Variants in TTLL6 observed in about 807,000 individuals in gnomAD.
TTLL6 encodes the protein tubulin polyglutamylase TTLL6.
A neutral mutation model predicts 96.4 loss-of-function variants in TTLL6; 75 were observed. The ratio of observed to expected loss-of-function variants is 0.78; its 90% CI spans 0.65 to 0.94. The LOEUF is 0.94. Among genes scored for constraint, TTLL6 ranks in the 40% least tolerant of loss-of-function variants. The probability of loss-of-function intolerance (pLI) is 0.00; values close to 1 mark genes in which losing one functional copy is unlikely to be tolerated. For missense variants in TTLL6, 1,030 were observed against 1,093.0 expected (o/e 0.94, Z 0.81); for synonymous variants, 411 against 419.4 (o/e 0.98, Z 0.24).
chr17:48,778,631 T>TAAA (rs542565908), intron 13 of TTLL6, among the ~76,000 whole-genome samples: 2 of 137,842 alleles, frequency 1.5e-5, no homozygotes, highest in Non-Finnish European at 3.2e-5. Flanking sequence ...CTCAGTCTCT[T>TAAA]AAAAAAAAAA....
chr17:48,784,309 G>A (rs1188762159), intron 13 of TTLL6, among the ~76,000 whole-genome samples: 1 of 152,130 alleles, frequency 6.6e-6, no homozygotes, highest in Non-Finnish European at 1.5e-5. Flanking sequence ...GGAGGCCGAG[G>A]CGAGAGGATG....
At chr17:48,783,182 T>C (rs888750011) in intron 13 of TTLL6, among the ~76,000 whole-genome samples, 1 of 152,134 alleles carries the variant, frequency 6.6e-6, no homozygotes, top group Non-Finnish European at 1.5e-5. Context: ...GTGGATTTCT[T>C]ACTGTGGGCT....
intron 8 of TTLL6, among the ~76,000 whole-genome samples, chr17:48,795,512 T>A (rs981035271): frequency 1.3e-5 from 2 of 152,068 alleles, no homozygotes; most frequent in Non-Finnish European, 2.9e-5. Context: ...TGAGACCCGA[T>A]TAGACAATAA....
chr17:48,803,461 A>C (rs949632801), intron 3 of TTLL6, among the ~76,000 whole-genome samples: 1 of 149,688 alleles, frequency 6.7e-6, no homozygotes, highest in Non-Finnish European at 1.5e-5. Context: ...ACGCCACTGC[A>C]CTCCAGAGCA....
Position 48,786,225 on chromosome 17 carries a change from A to G in TTLL6, c.1700T>C (p.Met567Thr), listed in dbSNP as rs767783946. 6.8e-6 allele frequency: 11 copies of G among 1,613,924 alleles called. No individual in the cohort carries two copies. Among genetic ancestry groups the G allele is most frequent in the Middle Eastern group, 1.6e-4 (1 of 6,084 alleles). Residue 567 changes from methionine (M) to threonine (T), a missense_variant, in exon 12 of 16, where the codon ATG becomes ACG. Coordinates refer to ENST00000393382, the MANE Select transcript of TTLL6 (RefSeq NM_001130918.3). ...CTGTTGTTTCTGTTGCCAGCCCCTC[A>G]TGCCCTTCTTTCTCACTTGCTCGCC... ...SAGEQVRKKG[M>T]RGWQQKQQQK...
At chr17:48,779,381 C>G (rs902962979) in intron 13 of TTLL6, among the ~76,000 whole-genome samples, 1 of 113,070 alleles carries the variant, frequency 8.8e-6, no homozygotes, top group Non-Finnish European at 1.9e-5. Flanking sequence ...AAAAAAAAGA[C>G]AGATAACGCC....
At chr17:48,793,987 G>A (rs1276212643) in intron 8 of TTLL6, among the ~76,000 whole-genome samples, 1 of 152,188 alleles carries the variant, frequency 6.6e-6, no homozygotes, top group Non-Finnish European at 1.5e-5. Context: ...GGGAAATGCT[G>A]AGTTGAAGAC....
chr17:48,810,425 C>T (rs2039563334), intron 1 of TTLL6, among the ~76,000 whole-genome samples: 1 of 152,098 alleles, frequency 6.6e-6, no homozygotes, highest in Non-Finnish European at 1.5e-5. Context: ...TTCCCCCAAG[C>T]TTCTCTCCCT....
intron 3 of TTLL6, among the ~76,000 whole-genome samples, chr17:48,803,148 C>T (rs1183125897): frequency 1.3e-5 from 2 of 151,858 alleles, no homozygotes; most frequent in South Asian, 4.2e-4. Context: ...CCAGCCTGGG[C>T]AACAAGAGTG....
At chr17:48,800,512 TC>T (rs571152189) in intron 5 of TTLL6, among the ~76,000 whole-genome samples, 94 of 152,232 alleles carry the variant, frequency 6.2e-4, no homozygotes, top group Non-Finnish European at 1.1e-3. Context: ...TACATTTCCT[TC>T]TAATTTGCTG....
chr17:48,817,227 G>T lies in TTLL6; in HGVS notation c.-155C>A, dbSNP rs2039680993. On this transcript the variant is annotated 5_prime_UTR_variant, in exon 1 of 16. Coordinates refer to ENST00000393382, the MANE Select transcript of TTLL6 (RefSeq NM_001130918.3). The stretch of plus-strand genomic sequence containing the variant: ...CCCGAATCCAATTAACCGCCCAGGC[G>T]CTAGGGGAGGGGCGCGCCCACGGTT... 1 of 543,476 alleles carries T rather than the reference G, an allele frequency of 1.8e-6. No individual in the cohort carries two copies. Among genetic ancestry groups the T allele is most frequent in the Non-Finnish European group, 3.1e-6 (1 of 320,010 alleles). The allele number at this position is 543,476 out of a possible 1,614,324, so 33.7% of individuals were successfully genotyped here.
At chr17:48,765,483 T>C (rs1190178270) in intron 15 of TTLL6, 1 of 152,220 alleles carries the variant, frequency 6.6e-6, no homozygotes, top group Non-Finnish European at 1.5e-5. Context: ...AGAAGAGTGC[T>C]GGCGCCTTTA....
chr17:48,794,370 C>A, intron 8 of TTLL6: 1 of 1,525,816 alleles, frequency 6.6e-7, no homozygotes, highest in African/African-American at 1.4e-5. Context: ...GTTGCCATCA[C>A]AAGTCATTTG....
Position 48,817,223 on chromosome 17 carries a change from A to T in TTLL6, c.-151T>A, listed in dbSNP as rs1363244954. 3.6e-6 allele frequency: 2 copies of T among 552,188 alleles called. No homozygotes were observed. Among genetic ancestry groups the T allele is most frequent in the Middle Eastern group, 7.0e-4 (2 of 2,868 alleles). The allele number at this position is 552,188 out of a possible 1,614,324, so 34.2% of individuals were successfully genotyped here. A position where few individuals can be genotyped will look rare whatever the true frequency, so the allele number is the denominator to read the frequency against. On this transcript the variant is annotated 5_prime_UTR_variant, in exon 1 of 16. Coordinates refer to ENST00000393382, the MANE Select transcript of TTLL6 (RefSeq NM_001130918.3). Reference sequence around the variant, plus strand: ...CCCTCCCGAATCCAATTAACCGCCCAGGCGCTAGGGGAGGGGCGCGCCCAC... The same window carrying T: ...CCCTCCCGAATCCAATTAACCGCCCTGGCGCTAGGGGAGGGGCGCGCCCAC...
At chr17:48,793,725 C>T (rs994214282) in intron 8 of TTLL6, among the ~76,000 whole-genome samples, 7 of 152,126 alleles carry the variant, frequency 4.6e-5, no homozygotes, top group South Asian at 2.1e-4. Flanking sequence ...CCTAGCTGTG[C>T]GACCCAGGTA....
Position 48,769,202 on chromosome 17 carries a change from C to G in TTLL6, c.2463G>C (p.Glu821Asp). 6.2e-7 allele frequency: 1 copy of G among 1,613,338 alleles called. No homozygotes were observed. Among genetic ancestry groups the G allele is most frequent in the Non-Finnish European group, 8.5e-7 (1 of 1,179,422 alleles). Residue 821 changes from glutamate to aspartate, a missense_variant, in exon 15 of 16, where the codon GAG (glutamate) becomes GAC (aspartate). By Grantham distance (45) the Glu-to-Asp change is conservative. Transcript: ENST00000393382. Reference protein sequence around the residue: ...ECHSRSDSSGEKRQLDVSSLL... With the variant: ...ECHSRSDSSGDKRQLDVSSLL... ...GGGAGGACACATCCAGCTGCCTCTT[C>G]TCGCCAGAGCTGTCACTGCGGGAGT...
intron 13 of TTLL6, among the ~76,000 whole-genome samples, chr17:48,775,049 G>T (rs568322030): frequency 6.6e-6 from 1 of 151,790 alleles, no homozygotes; most frequent in South Asian, 2.1e-4. Flanking sequence ...CAGGAGAATT[G>T]ATTGAACCTG....
chr17:48,804,220 AC>A (rs2039469430), intron 2 of TTLL6: 2 of 560,386 alleles, frequency 3.6e-6, no homozygotes, highest in Non-Finnish European at 6.7e-6. Flanking sequence ...CAAGCCTTTT[AC>A]TCCACTGGCT....
intron 1 of TTLL6, chr17:48,815,422 G>C (rs2039655011): frequency 6.6e-6 from 1 of 152,132 alleles, no homozygotes; most frequent in Non-Finnish European, 1.5e-5. Flanking sequence ...AAATTGGATG[G>C]GGGAAGAAAA....
Sources: allele counts gnomAD v4.1 joint callset (sites outside exome capture counted in the v4.1 genomes callset), GRCh38; gene constraint gnomAD v4.1.1; transcripts MANE v1.5; gene names NCBI Gene and HGNC (gene_info 2026-07-23, HGNC 2026-07-21).